Variants in WDFY1 observed in about 807,000 individuals in gnomAD.
WDFY1 encodes WD repeat and FYVE domain containing 1.
WDFY1 carries 32 observed loss-of-function variants against 56.4 expected under a neutral mutation model. The ratio of observed to expected loss-of-function variants is 0.57; its 90% CI spans 0.43 to 0.76. WDFY1 has a LOEUF of 0.76. WDFY1 is among the 30% of genes least tolerant of loss of function. The pLI, the probability that WDFY1 is intolerant of heterozygous loss-of-function variation, is 0.00. For missense variants in WDFY1, 480 were observed against 545.7 expected, an observed-to-expected ratio of 0.88 and a Z score of 1.20; for synonymous variants, 192 against 197.3, an observed-to-expected ratio of 0.97 and a Z score of 0.23.
chr2:223,912,206 G>T, intron 3 of WDFY1, 47 bp downstream of exon 3: 1 of 1,547,188 alleles, frequency 6.5e-7, no homozygotes, highest in Non-Finnish European at 8.7e-7. Flanking sequence ...TCAATATAAA[G>T]AATATAATAT....
chr2:223,942,527 C>CTTTT (rs57223015), intron 1 of WDFY1, among the ~76,000 whole-genome samples: 769 of 74,226 alleles, frequency 0.01, 87 homozygotes, highest in Non-Finnish European at 0.013. Context: ...CAAAGGCTAA[C>CTTTT]TTTTTTTTTT....
At position 223,880,081 on chromosome 2, in the gene WDFY1, G is replaced by T. The variant is rs750217897; in HGVS notation, c.1173+43C>A. ...CCTGCACATTCACAGCATGGTAATA[G>T]GCAATCTCAACTGAGATGCTGACAG... On this transcript the variant is annotated intron_variant, in intron 11 of 11. Coordinates refer to ENST00000233055, the MANE Select transcript of WDFY1 (RefSeq NM_020830.5). 7 of 1,520,184 alleles carry T rather than the reference G, an allele frequency of 4.6e-6. No homozygotes were observed. The South Asian group carries it at 7.9e-5, about 17-fold the overall frequency. 94.2% of individuals were successfully genotyped at this position (1,520,184 alleles called of 1,614,324 possible).
At chr2:223,932,719 G>C (rs1294265000) in intron 1 of WDFY1, among the ~76,000 whole-genome samples, 1 of 151,574 alleles carries the variant, frequency 6.6e-6, no homozygotes, top group Non-Finnish European at 1.5e-5. Flanking sequence ...TTAAACTCTG[G>C]GCAAACAGTA....
chr2:223,885,805 C>G (rs966405046), intron 8 of WDFY1, among the ~76,000 whole-genome samples: 1 of 152,036 alleles, frequency 6.6e-6, no homozygotes. Flanking sequence ...GCAGATTTGC[C>G]CCCCTTCCCT....
At chr2:223,892,375 C>A (rs1261454247) in intron 8 of WDFY1, among the ~76,000 whole-genome samples, 1 of 152,140 alleles carries the variant, frequency 6.6e-6, no homozygotes, top group African/African-American at 2.4e-5. Flanking sequence ...AATTAACCAG[C>A]AGACATGTAA....
At chr2:223,882,915 G>C (rs1050326585) in intron 9 of WDFY1, among the ~76,000 whole-genome samples, 2 of 152,062 alleles carry the variant, frequency 1.3e-5, no homozygotes, top group African/African-American at 4.8e-5. Flanking sequence ...TTTTTGCAGA[G>C]ACAGGGTCTT....
In WDFY1 at chr2:223,932,860, G is replaced by T. The variant is rs141456490; in HGVS notation, c.137+12288C>A. Among the ~76,000 whole-genome samples the T allele has an allele frequency of 1.5e-3, 173 of 113,224 alleles. 3 individuals are homozygous for T. In the East Asian group the frequency reaches 0.025, roughly 17 times the overall value. The allele number at this position is 113,224 out of a possible 152,430, so 74.3% of individuals were successfully genotyped here. ...TTCCTAGTCTGACAGTACCTCCAGG[G>T]GATACAGGAAAAAAAAAAAGTGTAC... On this transcript the variant is annotated intron_variant, in intron 1 of 11. Coordinates refer to ENST00000233055, the MANE Select transcript of WDFY1 (RefSeq NM_020830.5).
chr2:223,943,009 T>C (rs1201262065), intron 1 of WDFY1, among the ~76,000 whole-genome samples: 1 of 150,836 alleles, frequency 6.6e-6, no homozygotes, highest in Non-Finnish European at 1.5e-5. Flanking sequence ...GGTGAAACCC[T>C]GTCTCTACTA....
intron 3 of WDFY1, among the ~76,000 whole-genome samples, chr2:223,909,349 C>A (rs1164287400): frequency 6.6e-6 from 1 of 152,132 alleles, no homozygotes; most frequent in Non-Finnish European, 1.5e-5. Flanking sequence ...TTCCCCTCCT[C>A]CCTGGCTGGC....
At chr2:223,933,242 G>C (rs1261843832) in intron 1 of WDFY1, among the ~76,000 whole-genome samples, 1 of 152,066 alleles carries the variant, frequency 6.6e-6, no homozygotes, top group African/African-American at 2.4e-5. Flanking sequence ...TGTCACCACA[G>C]GCAGATTTTA....
intron 4 of WDFY1, among the ~76,000 whole-genome samples, chr2:223,903,612 T>G (rs1246558847): frequency 7.0e-6 from 1 of 143,714 alleles, no homozygotes; most frequent in Non-Finnish European, 1.5e-5. Flanking sequence ...TGATCCTTAA[T>G]GAAAGATGAA....
chr2:223,896,512 T>C (rs1349478774), intron 6 of WDFY1, among the ~76,000 whole-genome samples: 1 of 152,232 alleles, frequency 6.6e-6, no homozygotes, highest in Non-Finnish European at 1.5e-5. Context: ...TCATACTTTA[T>C]ATTGGCTAAC....
chr2:223,888,272 C>A (rs1186578804), intron 8 of WDFY1, among the ~76,000 whole-genome samples: 1 of 151,900 alleles, frequency 6.6e-6, no homozygotes, highest in African/African-American at 2.4e-5. Context: ...GAGGGTTTCT[C>A]CAAGCTGCTC....
chr2:223,915,016 T>A (rs765787365), intron 2 of WDFY1, among the ~76,000 whole-genome samples: 1 of 152,238 alleles, frequency 6.6e-6, no homozygotes, highest in Non-Finnish European at 1.5e-5. Context: ...AATTGGATAA[T>A]CTGCGGATAG....
chr2:223,896,644 G>A (rs1033715650), intron 6 of WDFY1, among the ~76,000 whole-genome samples: 2 of 152,146 alleles, frequency 1.3e-5, no homozygotes, highest in Non-Finnish European at 2.9e-5. Flanking sequence ...TAGTAAAACT[G>A]AACCAGCCAC....
At chr2:223,926,806 T>TA (rs1693991335) in intron 1 of WDFY1, among the ~76,000 whole-genome samples, 2 of 152,124 alleles carry the variant, frequency 1.3e-5, no homozygotes, top group Non-Finnish European at 2.9e-5. Context: ...CAGCTGGACT[T>TA]ACAGATGTGC....
At chr2:223,902,832 A>G (rs764030280) in intron 4 of WDFY1, among the ~76,000 whole-genome samples, 8 of 151,436 alleles carry the variant, frequency 5.3e-5, no homozygotes, top group Non-Finnish European at 8.8e-5. Flanking sequence ...GTGATAGATT[A>G]ATTTGGTCTG....
intron 4 of WDFY1, among the ~76,000 whole-genome samples, chr2:223,905,561 CCA>C (rs770741569): frequency 2.0e-5 from 3 of 151,392 alleles, no homozygotes; most frequent in African/African-American, 4.9e-5. Flanking sequence ...TGGAGAATAC[CCA>C]CACACACACA....
chr2:223,932,117 C>CTTTTTTTTT (rs35246074), intron 1 of WDFY1, among the ~76,000 whole-genome samples: 4 of 93,984 alleles, frequency 4.3e-5, no homozygotes, highest in African/African-American at 8.7e-5. Context: ...GTATGAGTAC[C>CTTTTTTTTT]TTTTTTTTTT....
Sources: gnomAD v4.1 joint callset for allele counts (sites outside exome capture counted in the v4.1 genomes callset) on GRCh38, gnomAD v4.1.1 for gene constraint, MANE v1.5 for transcripts, NCBI Gene and HGNC (gene_info 2026-07-23, HGNC 2026-07-21) for gene names.